Variants in FHOD3 observed in about 807,000 individuals in gnomAD.
FHOD3 encodes the protein formin homology 2 domain containing 3.
Under a neutral mutation model 173.0 loss-of-function variants are expected in FHOD3, and 90 were observed. The observed-to-expected ratio is 0.52, with a 90% CI of 0.44 to 0.62. The LOEUF (loss-of-function observed/expected upper bound fraction) is 0.62. FHOD3 is among the 20% of genes least tolerant of loss of function. The pLI is 0.00. For synonymous variants in FHOD3, 828 were observed against 823.0 expected, an observed-to-expected ratio of 1.01 and a Z score of -0.10; for missense variants, 1,945 against 2,034.7, an observed-to-expected ratio of 0.96 and a Z score of 0.85.
At chr18:36,529,499 T>TA (rs777196678) in intron 5 of FHOD3, among the ~76,000 whole-genome samples, 13 of 152,248 alleles carry the variant, frequency 8.5e-5, no homozygotes, top group South Asian at 2.1e-4. Flanking sequence ...GGATTTTTTT[T>TA]TATATATATG....
intron 6 of FHOD3, among the ~76,000 whole-genome samples, chr18:36,588,497 T>G (rs2059113413): frequency 1.3e-5 from 2 of 152,208 alleles, no homozygotes; most frequent in African/African-American, 4.8e-5. Context: ...TAGTGGAAAA[T>G]GAAACAAATA....
intron 19 of FHOD3, among the ~76,000 whole-genome samples, chr18:36,722,564 AT>A (rs2040844723): frequency 6.6e-6 from 1 of 152,180 alleles, no homozygotes; most frequent in Non-Finnish European, 1.5e-5. Flanking sequence ...CAACTTTTAA[AT>A]AAAAATTAGG....
intron 1 of FHOD3, among the ~76,000 whole-genome samples, chr18:36,353,976 G>C (rs1379876201): frequency 1.4e-5 from 2 of 143,732 alleles, no homozygotes; most frequent in Admixed American, 7.2e-5. Context: ...GAAAAGAAAA[G>C]TGGACAGTTG....
intron 3 of FHOD3, among the ~76,000 whole-genome samples, chr18:36,389,514 G>A (rs1221379476): frequency 1.3e-5 from 2 of 151,934 alleles, no homozygotes. Context: ...CTGGGCTTTT[G>A]GGCTGGACTC....
chr18:36,602,661 G>T lies in FHOD3; in HGVS notation c.719-13G>T. Reference sequence around the variant, plus strand: ...TGAATTGCTGTTTCTAATGATTTTTGCTTTACTCATAGGGGTCAAACCTTG... The same window carrying T: ...TGAATTGCTGTTTCTAATGATTTTTTCTTTACTCATAGGGGTCAAACCTTG... On this transcript the variant is annotated splice_polypyrimidine_tract_variant and intron_variant, in intron 7 of 28. Coordinates refer to ENST00000590592, the MANE Select transcript of FHOD3 (RefSeq NM_001281740.3). 1 of 1,589,728 alleles carries T rather than the reference G, an allele frequency of 6.3e-7. No individual in the cohort carries two copies. The highest frequency in any genetic ancestry group is 8.6e-7 in the Non-Finnish European group (1 of 1,158,168).
chr18:36,695,921 T>G (rs1428394999), intron 17 of FHOD3, among the ~76,000 whole-genome samples: 1 of 152,266 alleles, frequency 6.6e-6, no homozygotes, highest in Non-Finnish European at 1.5e-5. Context: ...TCCTGACATC[T>G]GGAGGAAGAA....
chr18:36,713,097 C>G (rs1490480922), intron 18 of FHOD3, among the ~76,000 whole-genome samples: 1 of 152,154 alleles, frequency 6.6e-6, no homozygotes, highest in Non-Finnish European at 1.5e-5. Context: ...CCCTAACAGA[C>G]CTATCCTCAA....
chr18:36,370,423 C>G (rs1464233629), intron 2 of FHOD3, among the ~76,000 whole-genome samples: 2 of 151,990 alleles, frequency 1.3e-5, no homozygotes, highest in African/African-American at 2.4e-5. Flanking sequence ...GATGACCCCT[C>G]CAGGATGGTG....
At chr18:36,341,605 G>T (rs1473730674) in intron 1 of FHOD3, among the ~76,000 whole-genome samples, 1 of 152,152 alleles carries the variant, frequency 6.6e-6, no homozygotes, top group Non-Finnish European at 1.5e-5. Context: ...TGGAGATGGG[G>T]TCTTACCAAG....
rs1412531421 is a variant in FHOD3 at position 36,370,436 on chromosome 18, C to CA, written c.273-2244_273-2243insA. On this transcript the variant is annotated intron_variant, in intron 2 of 28. Transcript: ENST00000590592. ...AAGATGACCCCTCCAGGATGGTGGGCTTGCTGGGTCTTGGCAGTCATTGTT... is the reference window on the plus strand; with the variant it reads ...AAGATGACCCCTCCAGGATGGTGGGCATTGCTGGGTCTTGGCAGTCATTGTT... Among the ~76,000 whole-genome samples, 700 of 151,896 alleles carry CA rather than the reference C, an allele frequency of 4.6e-3. 6 individuals are homozygous for CA. Among genetic ancestry groups the CA allele is most frequent in the African/African-American group, 0.016 (674 of 41,410 alleles).
At chr18:36,758,193 G>T (rs2042714668) in intron 25 of FHOD3, among the ~76,000 whole-genome samples, 1 of 152,208 alleles carries the variant, frequency 6.6e-6, no homozygotes, top group African/African-American at 2.4e-5. Flanking sequence ...TTTGGATGAG[G>T]CAGCGTGGAA....
intron 3 of FHOD3, among the ~76,000 whole-genome samples, chr18:36,402,298 A>G (rs543755712): frequency 7.2e-5 from 11 of 152,136 alleles, no homozygotes; most frequent in Non-Finnish European, 1.6e-4. Flanking sequence ...GGCTCATTAT[A>G]GATTAATACG....
At chr18:36,461,891 A>G (rs76258588) in intron 3 of FHOD3, among the ~76,000 whole-genome samples, 5 of 152,260 alleles carry the variant, frequency 3.3e-5, no homozygotes, top group East Asian at 1.9e-4. Context: ...ACCTGTCACA[A>G]TTACTGTGAT....
In FHOD3 at chr18:36,318,105, C is replaced by G. The variant is rs2044216433; in HGVS notation, c.165+20105C>G. ...TATGTATCTGTTTTGTTACCAGTAC[C>G]ATGCTGTTTTGGTTACTATAGCCTT... On this transcript the variant is annotated intron_variant, in intron 1 of 28. Coordinates refer to ENST00000590592, the MANE Select transcript of FHOD3 (RefSeq NM_001281740.3). Among the ~76,000 whole-genome samples the G allele has an allele frequency of 3.3e-5, 5 of 151,404 alleles. No homozygotes were observed. The South Asian group carries it at 1.0e-3, about 31-fold the overall frequency.
At chr18:36,537,045 C>A (rs1297881827) in intron 5 of FHOD3, among the ~76,000 whole-genome samples, 2 of 152,146 alleles carry the variant, frequency 1.3e-5, no homozygotes, top group African/African-American at 4.8e-5. Flanking sequence ...CTCTCATTTT[C>A]CTTTTGTTTT....
At chr18:36,604,534 G>C (rs1216426008) in intron 8 of FHOD3, among the ~76,000 whole-genome samples, 1 of 152,150 alleles carries the variant, frequency 6.6e-6, no homozygotes, top group African/African-American at 2.4e-5. Context: ...GTGGGGACGG[G>C]TTAGGTACTG....
chr18:36,625,773 G>C (rs2034058288), intron 10 of FHOD3, 24 bp downstream of exon 10: 5 of 1,572,974 alleles, frequency 3.2e-6, no homozygotes, highest in Non-Finnish European at 4.3e-6. Flanking sequence ...TGGCAGTGGA[G>C]AGGGGTGCAA....
At chr18:36,625,938 C>A (rs1242809652) in intron 10 of FHOD3, among the ~76,000 whole-genome samples, 189 bp downstream of exon 10, 2 of 152,090 alleles carry the variant, frequency 1.3e-5, no homozygotes, top group Admixed American at 1.3e-4. Context: ...TGGCCCCTGG[C>A]GACTTTTACA....
intron 9 of FHOD3, among the ~76,000 whole-genome samples, chr18:36,618,165 A>G (rs1253506351): frequency 6.7e-6 from 1 of 150,226 alleles, no homozygotes; most frequent in Non-Finnish European, 1.5e-5. Flanking sequence ...ATGTTTTGCT[A>G]TTATCTTTAT....
Sources: allele counts gnomAD v4.1 joint callset (sites outside exome capture counted in the v4.1 genomes callset), GRCh38; gene constraint gnomAD v4.1.1; transcripts MANE v1.5; gene names NCBI Gene and HGNC (gene_info 2026-07-23, HGNC 2026-07-21).